ADA: variants seen among roughly 807,000 people sequenced by gnomAD.
ADA encodes the protein adenosine deaminase.
In ADA, 45 loss-of-function variants were observed where a neutral mutation model predicts 49.0. The observed-to-expected ratio is 0.92, with a 90% CI of 0.72 to 1.18. The LOEUF is 1.18. ADA is among the 50% of genes most tolerant of loss of function. The pLI, the probability that ADA is intolerant of heterozygous loss-of-function variation, is 0.00. For missense variants in ADA, 445 were observed against 472.5 expected, an observed-to-expected ratio of 0.94 and a Z score of 0.54; for synonymous variants, 173 against 184.2, an observed-to-expected ratio of 0.94 and a Z score of 0.49.
At position 44,621,099 on chromosome 20, in the gene ADA, G is replaced by A. The variant is rs1259738995; in HGVS notation, c.894C>T (p.Leu298=). ...ANYSLNTDDP[L]IFKSTLDTDY... ...CAGTGTCCAGGGTGGACTTGAAGATGAGCGGGTCATCTGTGTTGAGCGAGT... is the reference window on the plus strand; with the variant it reads ...CAGTGTCCAGGGTGGACTTGAAGATAAGCGGGTCATCTGTGTTGAGCGAGT... Residue 298 remains leucine, a synonymous_variant, in exon 10 of 12, where the codon CTC becomes CTT. Transcript: ENST00000372874. 1 of 1,614,202 alleles carries A rather than the reference G, an allele frequency of 6.2e-7. No individual in the cohort carries two copies. Among genetic ancestry groups the A allele is most frequent in the East Asian group, 2.2e-5 (1 of 44,886 alleles).
At position 44,644,926 on chromosome 20, in the gene ADA, C is replaced by T. The variant is rs370388375; in HGVS notation, c.33+6649G>A. Among the ~76,000 whole-genome samples, 6 of 152,202 alleles carry T rather than the reference C, an allele frequency of 3.9e-5. No homozygotes were observed. In the East Asian group the frequency reaches 9.6e-4, roughly 24 times the overall value. On this transcript the variant is annotated intron_variant, in intron 1 of 11. Coordinates refer to ENST00000372874, the MANE Select transcript of ADA (RefSeq NM_000022.4). ...AGCATAGGGACTCAGCACACTTAAA[C>T]TCGTTTTAAAGGCAACAAGACTGAG...
At chr20:44,647,170 C>A (rs913154051) in intron 1 of ADA, among the ~76,000 whole-genome samples, 5 of 152,090 alleles carry the variant, frequency 3.3e-5, no homozygotes, top group Admixed American at 6.5e-5. Flanking sequence ...TGCGGTGGCT[C>A]ATGCCTGTAA....
chr20:44,633,685 C>T (rs1025685980), intron 2 of ADA, among the ~76,000 whole-genome samples: 1 of 152,142 alleles, frequency 6.6e-6, no homozygotes, highest in Non-Finnish European at 1.5e-5. Flanking sequence ...GGGCAGTGAT[C>T]GGAGGAAAGA....
At chr20:44,644,243 G>T (rs2065567036) in intron 1 of ADA, among the ~76,000 whole-genome samples, 1 of 151,970 alleles carries the variant, frequency 6.6e-6, no homozygotes, top group South Asian at 2.1e-4. Flanking sequence ...GACTTTTTGG[G>T]TTCATGTATG....
chr20:44,634,023 C>T (rs372481913), intron 2 of ADA, among the ~76,000 whole-genome samples: 119 of 152,370 alleles, frequency 7.8e-4, no homozygotes, highest in African/African-American at 2.7e-3. Flanking sequence ...TGGCACCTGC[C>T]GCACGCCATC....
At chr20:44,627,243 G>A (rs538625445) in intron 3 of ADA, among the ~76,000 whole-genome samples, 9 of 151,036 alleles carry the variant, frequency 6.0e-5, no homozygotes, top group South Asian at 4.2e-4. Flanking sequence ...GTGCAGTGGC[G>A]CCATCTCAGC....
chr20:44,620,612 A>G, intron 10 of ADA: 1 of 627,814 alleles, frequency 1.6e-6, no homozygotes, highest in East Asian at 2.8e-5. Context: ...GGGCTGTGAG[A>G]AGGAAGTTGG....
At chr20:44,626,256 G>GAACAT in intron 4 of ADA, 200 bp downstream of exon 4, 2 of 740,284 alleles carry the variant, frequency 2.7e-6, no homozygotes, top group South Asian at 3.4e-5. Context: ...CCCAAGGTAA[G>GAACAT]AACATAACGG....
At chr20:44,636,964 C>T (rs1233600822) in intron 1 of ADA, among the ~76,000 whole-genome samples, 1 of 152,066 alleles carries the variant, frequency 6.6e-6, no homozygotes, top group Non-Finnish European at 1.5e-5. Context: ...TGCCACCACG[C>T]CCAGTTAATT....
Position 44,626,614 on chromosome 20 carries a change from AAG to A in ADA, c.219-17_219-16del. ...CCCGGCAGCCCCTGGGAAGGGAAGA[AAG>A]GGGTTGGGAACAACCTTCCCCAAGT... On this transcript the variant is annotated splice_polypyrimidine_tract_variant and intron_variant, in intron 3 of 11. Transcript: ENST00000372874. The A allele has an allele frequency of 1.2e-6, 2 of 1,613,858 alleles. No individual in the cohort carries two copies. Among genetic ancestry groups the A allele is most frequent in the African/African-American group, 1.3e-5 (1 of 75,040 alleles).
At chr20:44,644,728 A>G (rs1386364560) in intron 1 of ADA, among the ~76,000 whole-genome samples, 1 of 152,232 alleles carries the variant, frequency 6.6e-6, no homozygotes, top group Non-Finnish European at 1.5e-5. Context: ...TTCCTCCAGG[A>G]AGCCCTCTAT....
chr20:44,636,048 C>A, intron 2 of ADA, 179 bp downstream of exon 2: 2 of 652,526 alleles, frequency 3.1e-6, no homozygotes, highest in Non-Finnish European at 5.5e-6. Context: ...GTCTGCGGGT[C>A]TCCAGCTCAG....
At chr20:44,644,517 CT>C (rs2065570454) in intron 1 of ADA, among the ~76,000 whole-genome samples, 1 of 152,216 alleles carries the variant, frequency 6.6e-6, no homozygotes, top group Non-Finnish European at 1.5e-5. Context: ...CTCACAGAAC[CT>C]GAGCACCGTG....
At chr20:44,632,882 C>T (rs879214306) in intron 2 of ADA, among the ~76,000 whole-genome samples, 3 of 152,214 alleles carry the variant, frequency 2.0e-5, no homozygotes, top group Non-Finnish European at 2.9e-5. Context: ...TTAGTAGACA[C>T]GGGGTTTCCC....
At chr20:44,649,884 C>T (rs1336381360) in intron 1 of ADA, among the ~76,000 whole-genome samples, 2 of 152,078 alleles carry the variant, frequency 1.3e-5, no homozygotes, top group Admixed American at 6.5e-5. Context: ...TACAGGCGCC[C>T]GCCACCATGC....
In ADA at chr20:44,624,248, G is replaced by T; in HGVS notation, c.560C>A (p.Thr187Asn). 6.2e-7 allele frequency: 1 copy of T among 1,613,972 alleles called. No homozygotes were observed. Among genetic ancestry groups the T allele is most frequent in the East Asian group, 2.2e-5 (1 of 44,866 alleles). ...VVAIDLAGDE[T>N]IPGSSLLPGH... Reference sequence around the variant, plus strand: ...AGGCAAGAGGCTGCTTCCTGGGATGGTCTCATCTCCAGCCAGGTCAATGGC... The same window carrying T: ...AGGCAAGAGGCTGCTTCCTGGGATGTTCTCATCTCCAGCCAGGTCAATGGC... Residue 187 changes from threonine to asparagine, a missense_variant, in exon 6 of 12, where the codon ACC becomes AAC. Thr to Asn is a moderately conservative substitution (Grantham distance 65, BLOSUM62 0). Transcript: ENST00000372874.
intron 1 of ADA, among the ~76,000 whole-genome samples, chr20:44,645,991 T>C (rs996688003): frequency 1.3e-5 from 2 of 152,010 alleles, no homozygotes; most frequent in Non-Finnish European, 2.9e-5. Flanking sequence ...CTTGGGTAAA[T>C]ACAGATTCCA....
chr20:44,620,877 G>GA, intron 10 of ADA, 141 bp downstream of exon 10: 2 of 1,157,632 alleles, frequency 1.7e-6, no homozygotes, highest in Non-Finnish European at 2.6e-6. Flanking sequence ...CTTCTCTGTG[G>GA]AAAGTGTCTA....
At chr20:44,636,715 CTAAA>C (rs1233770291) in intron 1 of ADA, among the ~76,000 whole-genome samples, 2 of 152,196 alleles carry the variant, frequency 1.3e-5, no homozygotes, top group South Asian at 2.1e-4. Context: ...TCTCAGCCAA[CTAAA>C]TAAACTACTT....
Sources: gnomAD v4.1 joint callset for allele counts (sites outside exome capture counted in the v4.1 genomes callset) on GRCh38, gnomAD v4.1.1 for gene constraint, MANE v1.5 for transcripts, NCBI Gene and HGNC (gene_info 2026-07-23, HGNC 2026-07-21) for gene names.